The following GABRA3 variants were observed in gnomAD, a reference collection of about 807,000 sequenced individuals.
GABRA3 encodes gamma-aminobutyric acid receptor subunit alpha-3.
Under a neutral mutation model 30.1 loss-of-function variants are expected in GABRA3, and 10 were observed. The observed-to-expected ratio is 0.33, with a 90% CI of 0.20 to 0.56. The LOEUF (loss-of-function observed/expected upper bound fraction) is 0.56, where lower values mean the gene tolerates loss of function less well. Among genes scored for constraint, GABRA3 ranks in the 20% least tolerant of loss-of-function variants. GABRA3 has a pLI of 0.89. For missense variants in GABRA3, 233 were observed against 392.0 expected, an observed-to-expected ratio of 0.59 and a Z score of 3.42; for synonymous variants, 151 against 146.8, an observed-to-expected ratio of 1.03 and a Z score of -0.21.
intron 4 of GABRA3, among the ~76,000 whole-genome samples, chrX:152,268,073 T>G (rs888423278): frequency 4.5e-5 from 5 of 110,706 alleles, no homozygotes; most frequent in African/African-American, 1.6e-4. Flanking sequence ...CATCATTAGG[T>G]TTTTTTTGGA....
chrX:152,199,040 A>G (rs6627544), intron 7 of GABRA3, among the ~76,000 whole-genome samples: 33,515 of 110,616 alleles, frequency 0.3, 3,815 homozygotes, highest in African/African-American at 0.4. Context: ...ATGTGAAAAC[A>G]CAGACACACA....
chrX:152,361,447 C>T (rs1928499874), intron 2 of GABRA3, among the ~76,000 whole-genome samples: 1 of 108,825 alleles, frequency 9.2e-6, no homozygotes, highest in Non-Finnish European at 1.9e-5. Context: ...GTGGCATGTG[C>T]CTGTAATCCC....
At chrX:152,289,147 TTTATG>T (rs1185554854) in intron 3 of GABRA3, among the ~76,000 whole-genome samples, 1 of 108,975 alleles carries the variant, frequency 9.2e-6, no homozygotes, top group East Asian at 2.9e-4. Flanking sequence ...GATCACTGTA[TTTATG>T]TTGAGTATAC....
chrX:152,325,256 G>T (rs1011991895), intron 3 of GABRA3, among the ~76,000 whole-genome samples: 1 of 111,929 alleles, frequency 8.9e-6, no homozygotes, highest in Non-Finnish European at 1.9e-5. Context: ...TAAGATGGCC[G>T]AATAGGAACA....
At chrX:152,210,311 T>C (rs778515191) in intron 6 of GABRA3, among the ~76,000 whole-genome samples, 2 of 112,262 alleles carry the variant, frequency 1.8e-5, no homozygotes, top group African/African-American at 6.5e-5. Context: ...GTTTAAAATA[T>C]AGCCATCTCA....
At chrX:152,268,673 T>A (rs1263635740) in intron 4 of GABRA3, among the ~76,000 whole-genome samples, 2 of 111,702 alleles carry the variant, frequency 1.8e-5, no homozygotes, top group African/African-American at 3.3e-5. Flanking sequence ...GCTCAAGTGA[T>A]CCTCCCACCT....
chrX:152,401,260 A>ATG (rs888805953), intron 1 of GABRA3, among the ~76,000 whole-genome samples: 22 of 84,291 alleles, frequency 2.6e-4, no homozygotes, highest in South Asian at 1.8e-3. Context: ...TGATGATTTA[A>ATG]TGTGTGTATA....
At position 152,359,602 on chromosome X, in the gene GABRA3, GTTGGTTTCCTCTTGGT is replaced by G. The variant is rs937466530; in HGVS notation, c.140+4813_140+4828del. Among the ~76,000 whole-genome samples the G allele has an allele frequency of 7.3e-5, 8 of 110,189 alleles. 1 individual carries two copies. The highest frequency in any genetic ancestry group is 2.6e-4 in the African/African-American group (8 of 30,274). On this transcript the variant is annotated intron_variant, in intron 2 of 9. Transcript: ENST00000370314. Reference sequence around the variant, plus strand: ...TTTCTTGTCTTTTGCTAGCTTTGGGGTTGGTTTCCTCTTGGTTCTCTAGTTCCCCTAGGTGTGACAT... The same window carrying G: ...TTTCTTGTCTTTTGCTAGCTTTGGGGTCTCTAGTTCCCCTAGGTGTGACAT...
intron 7 of GABRA3, among the ~76,000 whole-genome samples, chrX:152,201,993 C>T (rs530000842): frequency 1.8e-5 from 2 of 112,221 alleles, no homozygotes; most frequent in African/African-American, 6.5e-5. Flanking sequence ...ATCATACATC[C>T]AAACTATCCT....
chrX:152,431,773 G>A (rs1930656221), intron 1 of GABRA3, among the ~76,000 whole-genome samples: 1 of 111,483 alleles, frequency 9.0e-6, no homozygotes, highest in Non-Finnish European at 1.9e-5. Context: ...ATGTGAAAAC[G>A]ACTTGCCTGG....
At chrX:152,314,710 T>A (rs1317025572) in intron 3 of GABRA3, among the ~76,000 whole-genome samples, 1 of 112,421 alleles carries the variant, frequency 8.9e-6, no homozygotes, top group Non-Finnish European at 1.9e-5. Context: ...TTGGCTTAAA[T>A]GGCACTTCGT....
chrX:152,378,433 T>C (rs1317213908), intron 1 of GABRA3, among the ~76,000 whole-genome samples: 2 of 111,602 alleles, frequency 1.8e-5, no homozygotes, highest in African/African-American at 3.3e-5. Flanking sequence ...CTTCCAGATA[T>C]AAAAAGACTT....
intron 3 of GABRA3, among the ~76,000 whole-genome samples, chrX:152,327,801 T>A (rs1045103035): frequency 9.0e-6 from 1 of 110,737 alleles, no homozygotes; most frequent in Admixed American, 9.6e-5. Context: ...ACTAGAGAAG[T>A]AAGGGCAAAC....
intron 4 of GABRA3, 38 bp downstream of exon 4, chrX:152,284,630 G>C: frequency 1.0e-6 from 1 of 974,689 alleles, no homozygotes; most frequent in Non-Finnish European, 1.4e-6. Context: ...CTTTGGTCTA[G>C]TGCATCCTCT....
intron 1 of GABRA3, among the ~76,000 whole-genome samples, chrX:152,439,226 C>G (rs2086825664): frequency 9.0e-6 from 1 of 110,844 alleles, no homozygotes; most frequent in Admixed American, 9.6e-5. Flanking sequence ...CTCCCAGTTT[C>G]AAGTGATTTG....
chrX:152,168,513 G>A lies in GABRA3; in HGVS notation c.1194C>T (p.Ile398=), dbSNP rs756972982. The change falls in exon 10 of 10, where the codon ATC becomes ATT. Residue 398 remains isoleucine (I), a synonymous_variant. Coordinates refer to ENST00000370314, the MANE Select transcript of GABRA3 (RefSeq NM_000808.4). ...GGTTGATGGGATAGGTGGTCCCCAC[G>A]ATGTTGAAGGTAGTGCTGGTTTTCT... The part of the protein sequence containing the change: ...PAKKTSTTFN[I]VGTTYPINLA... 5.8e-6 allele frequency: 7 copies of A among 1,209,450 alleles called. No individual in the cohort carries two copies. The highest frequency in any genetic ancestry group is 3.0e-5 in the East Asian group (1 of 33,730).
intron 4 of GABRA3, among the ~76,000 whole-genome samples, chrX:152,281,602 C>T (rs1197984965): frequency 8.9e-6 from 1 of 111,768 alleles, no homozygotes; most frequent in Non-Finnish European, 1.9e-5. Flanking sequence ...TTCATCTTTG[C>T]TCAGTTCCCT....
chrX:152,383,819 C>A (rs891092039), intron 1 of GABRA3, among the ~76,000 whole-genome samples: 25 of 109,819 alleles, frequency 2.3e-4, no homozygotes, highest in African/African-American at 7.6e-4. Flanking sequence ...CCACCCTTGC[C>A]ACTTCTTTTC....
At chrX:152,424,928 C>CTTTTTTTTTTTTTTTTTT (rs747255822) in intron 1 of GABRA3, among the ~76,000 whole-genome samples, 1 of 42,358 alleles carries the variant, frequency 2.4e-5, no homozygotes. Flanking sequence ...TTTTTCTTTT[C>CTTTTTTTTTTTTTTTTTT]TTTTTTTTTT....
Sources: allele counts gnomAD v4.1 joint callset (sites outside exome capture counted in the v4.1 genomes callset), GRCh38; gene constraint gnomAD v4.1.1; transcripts MANE v1.5; gene names NCBI Gene and HGNC (gene_info 2026-07-23, HGNC 2026-07-21).